AK8: variants seen among roughly 807,000 people sequenced by gnomAD.
AK8 encodes the protein ATP-AMP transphosphorylase 8.
In AK8, 44 loss-of-function variants were observed where a neutral mutation model predicts 54.6. That is an observed-to-expected ratio of 0.81 (90% CI 0.63 to 1.04). The LOEUF is 1.04. AK8 is among the 50% of genes least tolerant of loss of function. The pLI, the probability that AK8 is intolerant of heterozygous loss-of-function variation, is 0.00. For missense variants in AK8, 555 were observed against 613.6 expected (o/e 0.90, Z 1.01); for synonymous variants, 239 against 245.6 (o/e 0.97, Z 0.25).
intron 11 of AK8, among the ~76,000 whole-genome samples, chr9:132,786,641 C>T (rs73546978): frequency 0.019 from 2,954 of 152,236 alleles, 89 homozygotes; most frequent in African/African-American, 0.064. Context: ...AATGATACCA[C>T]CCTACAGTGA....
chr9:132,793,414 C>T lies in AK8; in HGVS notation c.980-639G>A, dbSNP rs146704074. ...ATGGGCCCAGTTTTTGCAGCAAACA[C>T]TTTTCCTGGAAGCGCACCAGCTCCA... On this transcript the variant is annotated intron_variant, in intron 10 of 12. Coordinates refer to ENST00000298545, the MANE Select transcript of AK8 (RefSeq NM_152572.3). Among the ~76,000 whole-genome samples, 987 of 152,276 alleles carry T rather than the reference C, an allele frequency of 6.5e-3. 4 individuals carry two copies. The highest frequency in any genetic ancestry group is 0.01 in the Middle Eastern group (3 of 294).
Position 132,875,692 on chromosome 9 carries a change from C to A in AK8, c.85-493G>T, listed in dbSNP as rs1406829359. Among the ~76,000 whole-genome samples the A allele has an allele frequency of 5.9e-5, 9 of 152,228 alleles. No individual in the cohort carries two copies. In the East Asian group the frequency reaches 9.6e-4, roughly 16 times the overall value. On this transcript the variant is annotated intron_variant, in intron 1 of 12. Coordinates refer to ENST00000298545, the MANE Select transcript of AK8 (RefSeq NM_152572.3). ...AGATGCTCCTGCACCTGCCTGCGGGCATCGCCCTGTTCCACGCCTCACCCT... is the reference window on the plus strand; with the variant it reads ...AGATGCTCCTGCACCTGCCTGCGGGAATCGCCCTGTTCCACGCCTCACCCT...
intron 11 of AK8, among the ~76,000 whole-genome samples, chr9:132,736,545 C>T (rs1837124245): frequency 2.0e-5 from 3 of 150,572 alleles, no homozygotes; most frequent in South Asian, 2.1e-4. Context: ...CACCTGTAAT[C>T]CCAGCACTTT....
At chr9:132,810,945 G>A (rs1197383008) in intron 10 of AK8, among the ~76,000 whole-genome samples, 1 of 152,036 alleles carries the variant, frequency 6.6e-6, no homozygotes, top group Non-Finnish European at 1.5e-5. Context: ...AACCAATTAG[G>A]ACAAAAAATT....
intron 4 of AK8, among the ~76,000 whole-genome samples, chr9:132,855,215 C>A (rs1254320893): frequency 3.3e-5 from 5 of 152,198 alleles, no homozygotes. Context: ...GCCTCAGCCC[C>A]AAGTGCCAGC....
intron 10 of AK8, among the ~76,000 whole-genome samples, chr9:132,808,438 C>T (rs570356063): frequency 4.6e-5 from 7 of 152,258 alleles, no homozygotes; most frequent in African/African-American, 1.7e-4. Flanking sequence ...ACTGAAGATG[C>T]GCTAAGATGG....
chr9:132,798,404 G>T (rs1840278980), intron 10 of AK8, among the ~76,000 whole-genome samples: 1 of 152,172 alleles, frequency 6.6e-6, no homozygotes, highest in Admixed American at 6.5e-5. Flanking sequence ...GCTGCTCCTT[G>T]GTTCACTGTG....
At chr9:132,812,306 C>T (rs914205021) in intron 10 of AK8, among the ~76,000 whole-genome samples, 6 of 146,624 alleles carry the variant, frequency 4.1e-5, no homozygotes, top group African/African-American at 7.6e-5. Flanking sequence ...TCTTGGCTCA[C>T]GGCAACCTCT....
At position 132,790,014 on chromosome 9, in the gene AK8, T is replaced by C. The variant is rs1470763105; in HGVS notation, c.1121+2620A>G. On this transcript the variant is annotated intron_variant, in intron 11 of 12. Transcript: ENST00000298545. The surrounding 1 kb of genome is among the most constrained non-coding windows in gnomAD (Gnocchi z 4.1). The stretch of plus-strand genomic sequence containing the variant: ...TCATGTAATGTAATATTCAGACGCA[T>C]GACAGCAGGGGGCAAAGGTCCTAAG... Among the ~76,000 whole-genome samples, 1 of 152,188 alleles carries C rather than the reference T, an allele frequency of 6.6e-6. No homozygotes were observed. Among genetic ancestry groups the C allele is most frequent in the African/African-American group, 2.4e-5 (1 of 41,444 alleles).
At chr9:132,862,039 T>TAA (rs1843409500) in intron 4 of AK8, among the ~76,000 whole-genome samples, 1 of 152,232 alleles carries the variant, frequency 6.6e-6, no homozygotes, top group South Asian at 2.1e-4. Flanking sequence ...TTTATAAAGC[T>TAA]AATAAAAACA....
At chr9:132,800,985 C>T (rs1010015761) in intron 10 of AK8, among the ~76,000 whole-genome samples, 2 of 141,084 alleles carry the variant, frequency 1.4e-5, no homozygotes, top group African/African-American at 5.3e-5. Flanking sequence ...AGTGCAGTGG[C>T]GCGATTTCGG....
intron 10 of AK8, among the ~76,000 whole-genome samples, chr9:132,812,545 C>CAGGTGAGCCGCCGCGCCCACTGGGATGAT (rs200127498): frequency 3.9e-5 from 4 of 101,582 alleles, no homozygotes; most frequent in African/African-American, 1.5e-4. Flanking sequence ...ACTGGGATGA[C>CAGGTGAGCCGCCGCGCCCACTGGGATGAT]GGGTGAGCCG....
chr9:132,829,473 T>C (rs1387344924), intron 5 of AK8, among the ~76,000 whole-genome samples: 3 of 152,184 alleles, frequency 2.0e-5, no homozygotes, highest in African/African-American at 7.2e-5. Context: ...CATCTAGCGC[T>C]TTCCACATTT....
chr9:132,804,220 G>C (rs1317692662), intron 10 of AK8, among the ~76,000 whole-genome samples: 1 of 152,132 alleles, frequency 6.6e-6, no homozygotes, highest in African/African-American at 2.4e-5. Flanking sequence ...TGGGCCCTGG[G>C]ATTGTCCACA....
intron 5 of AK8, among the ~76,000 whole-genome samples, chr9:132,842,269 G>A (rs570404646): frequency 2.0e-5 from 3 of 152,304 alleles, no homozygotes; most frequent in East Asian, 3.9e-4. Flanking sequence ...TCACTGCCAC[G>A]GTGGTACAGA....
intron 5 of AK8, among the ~76,000 whole-genome samples, chr9:132,838,109 A>G (rs572734757): frequency 6.6e-6 from 1 of 152,310 alleles, no homozygotes; most frequent in South Asian, 2.1e-4. Flanking sequence ...TGCCAGCCCA[A>G]TGACACCACA....
At chr9:132,769,992 A>G (rs898981739) in intron 11 of AK8, 8 of 152,314 alleles carry the variant, frequency 5.3e-5, no homozygotes, top group Admixed American at 5.2e-4. Flanking sequence ...AAGGCTAATT[A>G]TTGTTGAGCG....
chr9:132,793,539 A>G (rs1840033065), intron 10 of AK8, among the ~76,000 whole-genome samples: 1 of 152,178 alleles, frequency 6.6e-6, no homozygotes, highest in South Asian at 2.1e-4. Context: ...CTTTCCCAAA[A>G]TTCTCCAATT....
At chr9:132,816,926 CAGA>C (rs1477662574) in intron 9 of AK8, among the ~76,000 whole-genome samples, 3 of 152,132 alleles carry the variant, frequency 2.0e-5, no homozygotes, top group South Asian at 2.1e-4. Context: ...CAGCTGTGCA[CAGA>C]AGGAGTTCCA....
Sources: allele counts gnomAD v4.1 joint callset (sites outside exome capture counted in the v4.1 genomes callset), GRCh38; gene constraint gnomAD v4.1.1; non-coding constraint Gnocchi (gnomAD v3.1); transcripts MANE v1.5; gene names NCBI Gene and HGNC (gene_info 2026-07-23, HGNC 2026-07-21).